Variants in SND1 observed in about 807,000 individuals in gnomAD.
The protein encoded by SND1 is staphylococcal nuclease and tudor domain containing 1.
SND1 carries 38 observed loss-of-function variants against 121.7 expected under a neutral mutation model. That is an observed-to-expected ratio of 0.31 (90% CI 0.24 to 0.41). SND1 has a LOEUF of 0.41. Ranked by LOEUF, SND1 falls within the 10% of genes least tolerant of loss-of-function variation. The pLI is 1.00. For synonymous variants in SND1, 401 were observed against 447.4 expected (o/e 0.90, Z 1.31); for missense variants, 868 against 1,184.6 (o/e 0.73, Z 3.92).
At chr7:128,057,232 C>T (rs1017289862) in intron 16 of SND1, among the ~76,000 whole-genome samples, 4 of 152,124 alleles carry the variant, frequency 2.6e-5, no homozygotes, top group African/African-American at 9.7e-5. Flanking sequence ...ACAACTGGGG[C>T]TTCAGAAAAG....
chr7:127,766,383 G>A (rs1797409599), intron 10 of SND1, among the ~76,000 whole-genome samples: 1 of 152,234 alleles, frequency 6.6e-6, no homozygotes, highest in Admixed American at 6.5e-5. Context: ...CTGCTGTGAT[G>A]ATATCAACTC....
chr7:127,766,221 G>A (rs921196414), intron 10 of SND1, among the ~76,000 whole-genome samples: 1 of 152,286 alleles, frequency 6.6e-6, no homozygotes, highest in Non-Finnish European at 1.5e-5. Context: ...ACCACACATC[G>A]AACCTGTTGG....
intron 15 of SND1, among the ~76,000 whole-genome samples, chr7:127,958,995 A>G (rs1418301362): frequency 6.6e-6 from 1 of 152,188 alleles, no homozygotes; most frequent in African/African-American, 2.4e-5. Flanking sequence ...AAATTAGCCA[A>G]TTAATAAAAA....
intron 10 of SND1, among the ~76,000 whole-genome samples, chr7:127,754,254 T>C (rs1797154210): frequency 1.3e-5 from 2 of 152,206 alleles, no homozygotes; most frequent in African/African-American, 4.8e-5. Context: ...ATAATTTTTC[T>C]TTCTTAAAGT....
chr7:128,043,245 C>T (rs181291663), intron 16 of SND1, among the ~76,000 whole-genome samples: 124 of 152,210 alleles, frequency 8.1e-4, no homozygotes, highest in African/African-American at 2.9e-3. Context: ...TTAATACCAG[C>T]CTCATCTTTG....
At chr7:127,703,968 G>T (rs1312442238) in intron 7 of SND1, among the ~76,000 whole-genome samples, 1 of 152,160 alleles carries the variant, frequency 6.6e-6, no homozygotes, top group Non-Finnish European at 1.5e-5. Flanking sequence ...TCAGCTAGCT[G>T]AAGTATTGGT....
At chr7:128,058,996 T>C (rs1353840705) in intron 16 of SND1, among the ~76,000 whole-genome samples, 1 of 152,158 alleles carries the variant, frequency 6.6e-6, no homozygotes, top group African/African-American at 2.4e-5. Context: ...GTTCTCCCCG[T>C]CATCCCGTGT....
intron 9 of SND1, among the ~76,000 whole-genome samples, chr7:127,709,421 C>A (rs1401048293): frequency 2.6e-5 from 4 of 152,142 alleles, no homozygotes; most frequent in Admixed American, 2.0e-4. Flanking sequence ...CTGTCGTGTT[C>A]CTACCAGCCT....
chr7:127,809,511 T>C (rs1440284703), intron 11 of SND1, among the ~76,000 whole-genome samples: 3 of 152,216 alleles, frequency 2.0e-5, no homozygotes, highest in Middle Eastern at 6.3e-3. Flanking sequence ...GGGCAGTTGC[T>C]GCCTCAGGGG....
chr7:127,815,158 A>G (rs945913193), intron 11 of SND1, among the ~76,000 whole-genome samples: 1 of 152,062 alleles, frequency 6.6e-6, no homozygotes, highest in Non-Finnish European at 1.5e-5. Context: ...TGTTTTCATG[A>G]TGATATGTGT....
At chr7:127,953,760 T>G (rs1457355286) in intron 15 of SND1, among the ~76,000 whole-genome samples, 1 of 152,222 alleles carries the variant, frequency 6.6e-6, no homozygotes, top group African/African-American at 2.4e-5. Flanking sequence ...AAAACAAGTC[T>G]TGTTAATTTT....
chr7:127,888,490 C>A (rs1236411967), intron 13 of SND1, among the ~76,000 whole-genome samples: 1 of 152,174 alleles, frequency 6.6e-6, no homozygotes. Context: ...TCAAACACTT[C>A]TGACAGCTGG....
intron 16 of SND1, among the ~76,000 whole-genome samples, chr7:128,000,697 T>G (rs776376490): frequency 6.6e-5 from 10 of 152,176 alleles, no homozygotes; most frequent in African/African-American, 9.6e-5. Context: ...ATGTTTGGAG[T>G]GTCTTCAGGC....
chr7:128,003,337 C>A (rs542074549), intron 16 of SND1, among the ~76,000 whole-genome samples: 11 of 152,128 alleles, frequency 7.2e-5, no homozygotes, highest in Non-Finnish European at 1.5e-4. Flanking sequence ...CCTCTTGAAC[C>A]GAGAATGAAA....
At chr7:127,713,683 G>A (rs1305503927) in intron 9 of SND1, among the ~76,000 whole-genome samples, 2 of 152,214 alleles carry the variant, frequency 1.3e-5, no homozygotes, top group Non-Finnish European at 2.9e-5. Flanking sequence ...CTGGAACTGA[G>A]GCAAAGCTGT....
chr7:127,894,191 C>CA (rs1428425350), intron 13 of SND1, among the ~76,000 whole-genome samples: 1 of 152,004 alleles, frequency 6.6e-6, no homozygotes, highest in Admixed American at 6.6e-5. Context: ...AGTGGGCTTT[C>CA]TAAGTTCCAT....
At chr7:127,671,846 G>C (rs923006059) in intron 1 of SND1, among the ~76,000 whole-genome samples, 5 of 152,128 alleles carry the variant, frequency 3.3e-5, no homozygotes, top group African/African-American at 1.2e-4. Flanking sequence ...AGGAATACTA[G>C]ACAGCAAGTC....
intron 12 of SND1, among the ~76,000 whole-genome samples, chr7:127,865,131 GGA>G (rs551747199): frequency 5.6e-4 from 85 of 152,306 alleles, no homozygotes; most frequent in African/African-American, 1.9e-3. Context: ...CAGTTAGGCA[GGA>G]ATTCCATTGA....
At chr7:127,838,705 G>C (rs1798911156) in intron 11 of SND1, among the ~76,000 whole-genome samples, 2 of 152,110 alleles carry the variant, frequency 1.3e-5, no homozygotes, top group Non-Finnish European at 2.9e-5. Flanking sequence ...GTTTGCTGTG[G>C]CTCTTTAAAG....
Sources: allele counts gnomAD v4.1 joint callset (sites outside exome capture counted in the v4.1 genomes callset), GRCh38; gene constraint gnomAD v4.1.1; transcripts MANE v1.5; gene names NCBI Gene and HGNC (gene_info 2026-07-23, HGNC 2026-07-21).